TMPRSS6: variants seen among roughly 807,000 people sequenced by gnomAD.
The protein encoded by TMPRSS6 is transmembrane protease serine 6.
TMPRSS6 carries 67 observed loss-of-function variants against 101.5 expected under a neutral mutation model. The ratio of observed to expected loss-of-function variants is 0.66; its 90% confidence interval spans 0.54 to 0.81. TMPRSS6 has a LOEUF of 0.81. Ranked by LOEUF, TMPRSS6 falls within the 30% of genes least tolerant of loss-of-function variation. The probability of loss-of-function intolerance (pLI) is 0.00; values close to 1 mark genes in which losing one functional copy is unlikely to be tolerated. For synonymous variants in TMPRSS6, 453 were observed against 464.9 expected (o/e 0.97, Z 0.33); for missense variants, 1,034 against 1,088.7 (o/e 0.95, Z 0.71).
intron 5 of TMPRSS6, 123 bp downstream of exon 5, chr22:37,095,783 C>T: frequency 7.3e-7 from 1 of 1,363,994 alleles, no homozygotes; most frequent in Non-Finnish European, 1.0e-6. Context: ...ACCTGGGGGG[C>T]TCTCCTGGGG....
At chr22:37,099,429 T>C (rs1930105989) in intron 2 of TMPRSS6, among the ~76,000 whole-genome samples, 1 of 152,194 alleles carries the variant, frequency 6.6e-6, no homozygotes, top group Admixed American at 6.5e-5. Context: ...TCAGGAATGA[T>C]GTCATCAGAC....
rs1014309209 is a variant in TMPRSS6, at chr22:37,069,590, C to T, written c.1842-246G>A. Among the ~76,000 whole-genome samples, 2 of 152,194 alleles carry T rather than the reference C, an allele frequency of 1.3e-5. No homozygotes were observed. Among genetic ancestry groups the T allele is most frequent in the African/African-American group, 4.8e-5 (2 of 41,442 alleles). On this transcript the variant is annotated intron_variant, in intron 15 of 17. Transcript: ENST00000676104. The surrounding 1 kb of genome is among the most constrained non-coding windows in gnomAD (Gnocchi z 4.8). ...CTAGACATGGGTGTGCCTCTCTAAGCCTCTGCCACCTCATCTGCAAATGGG... is the reference window on the plus strand; with the variant it reads ...CTAGACATGGGTGTGCCTCTCTAAGTCTCTGCCACCTCATCTGCAAATGGG...
At chr22:37,100,365 A>G (rs534294285) in intron 2 of TMPRSS6, among the ~76,000 whole-genome samples, 1 of 152,370 alleles carries the variant, frequency 6.6e-6, no homozygotes, top group Non-Finnish European at 1.5e-5. Flanking sequence ...GGGCAGAGGC[A>G]GGGAGAGCAT....
At position 37,079,699 on chromosome 22, in the gene TMPRSS6, A is replaced by C. The variant is rs1407256138; in HGVS notation, c.1197-4419T>G. ...ACCCTCAGCAAGCTTTAGTTTTCAC[A>C]TTTGTAAAACAGGGGTGATCGTATC... On this transcript the variant is annotated intron_variant, in intron 10 of 17. Transcript: ENST00000676104. Among the ~76,000 whole-genome samples the C allele has an allele frequency of 2.6e-5, 4 of 152,230 alleles. No homozygotes were observed. In the East Asian group the frequency reaches 7.7e-4, roughly 29 times the overall value.
At chr22:37,068,516 C>A in intron 16 of TMPRSS6, 2 of 750,766 alleles carry the variant, frequency 2.7e-6, no homozygotes, top group African/African-American at 1.7e-5. Context: ...AGGGGAGAGA[C>A]CCTGTTTCTG....
intron 5 of TMPRSS6, 135 bp from the exon 6 acceptor site, chr22:37,095,727 C>A: frequency 1.6e-6 from 2 of 1,225,218 alleles, no homozygotes; most frequent in Non-Finnish European, 2.3e-6. Context: ...TGCCCCCATC[C>A]CACCCTTCTT....
At chr22:37,070,776 A>G in intron 14 of TMPRSS6, 124 bp from the exon 15 acceptor site, 1 of 1,294,482 alleles carries the variant, frequency 7.7e-7, no homozygotes, top group Non-Finnish European at 1.1e-6. Flanking sequence ...AGGGGGAGAG[A>G]CCATCAGGAC....
intron 7 of TMPRSS6, among the ~76,000 whole-genome samples, chr22:37,088,991 C>G (rs146411489): frequency 1.6e-4 from 25 of 152,336 alleles, no homozygotes; most frequent in African/African-American, 5.3e-4. Context: ...CACCAGTAAG[C>G]CTCTCTGCTC....
chr22:37,066,129 T>C lies in TMPRSS6; in HGVS notation c.2360A>G (p.Tyr787Cys). ...GCTGATCACACCTGTGATGCGGGTG[T>C]AGACGCCGAAGTAGTTAGGCCGGCC... is the stretch of plus-strand genomic sequence containing the variant. ...GCGRPNYFGV[Y>C]TRITGVISWI... Residue 787 changes from tyrosine to cysteine, a missense_variant, in exon 18 of 18, where the codon TAC becomes TGC. Physicochemically the swap from Tyr to Cys is radical, Grantham distance 194. Coordinates refer to ENST00000676104, the MANE Select transcript of TMPRSS6 (RefSeq NM_001374504.1). 6.2e-7 allele frequency: 1 copy of C among 1,613,374 alleles called. No homozygotes were observed. Among genetic ancestry groups the C allele is most frequent in the Non-Finnish European group, 8.5e-7 (1 of 1,179,994 alleles).
intron 10 of TMPRSS6, among the ~76,000 whole-genome samples, chr22:37,075,988 A>C (rs1266979595): frequency 6.6e-6 from 1 of 151,298 alleles, no homozygotes; most frequent in Non-Finnish European, 1.5e-5. Flanking sequence ...AAAGAAAGAA[A>C]GAGAAAGAAA....
chr22:37,103,655 AC>A lies in TMPRSS6; in HGVS notation c.-1-238del, dbSNP rs560893478. On this transcript the variant is annotated intron_variant, in intron 1 of 17. Coordinates refer to ENST00000676104, the MANE Select transcript of TMPRSS6 (RefSeq NM_001374504.1). This position sits in a 1 kb window ranked among gnomAD's most constrained non-coding sequence, Gnocchi z 4.4. Reference sequence around the variant, plus strand: ...GAGCTGGACTGGGTCTGGCTCAAGAACCCCACCTTTGCTTCCCACTGGCTTC... The same window carrying A: ...GAGCTGGACTGGGTCTGGCTCAAGAACCCACCTTTGCTTCCCACTGGCTTC... 5,314 of 1,493,998 alleles carry A rather than the reference AC, an allele frequency of 3.6e-3. 24 individuals are homozygous for A. Among genetic ancestry groups the A allele is most frequent in the Middle Eastern group, 0.011 (62 of 5,788 alleles). 92.5% of individuals were successfully genotyped at this position (1,493,998 alleles called of 1,614,324 possible).
chr22:37,069,613 G>A lies in TMPRSS6; in HGVS notation c.1842-269C>T, dbSNP rs555670114. Among the ~76,000 whole-genome samples the A allele has an allele frequency of 9.9e-5, 15 of 152,284 alleles. No homozygotes were observed. Among genetic ancestry groups the A allele is most frequent in the African/African-American group, 3.4e-4 (14 of 41,566 alleles). Reference sequence around the variant, plus strand: ...AGCCTCTGCCACCTCATCTGCAAATGGGAATGGCATTTTCTACTCGAATGT... The same window carrying A: ...AGCCTCTGCCACCTCATCTGCAAATAGGAATGGCATTTTCTACTCGAATGT... On this transcript the variant is annotated intron_variant, in intron 15 of 17. Coordinates refer to ENST00000676104, the MANE Select transcript of TMPRSS6 (RefSeq NM_001374504.1). This position sits in a 1 kb window ranked among gnomAD's most constrained non-coding sequence, Gnocchi z 4.8.
intron 6 of TMPRSS6, among the ~76,000 whole-genome samples, chr22:37,090,647 G>A (rs114691506): frequency 0.014 from 2,198 of 152,302 alleles, 66 homozygotes; most frequent in African/African-American, 0.05. Context: ...TGTGTCCATT[G>A]CACAGACCTG....
chr22:37,090,957 G>A (rs564961662), intron 6 of TMPRSS6, among the ~76,000 whole-genome samples: 50 of 152,292 alleles, frequency 3.3e-4, no homozygotes, highest in African/African-American at 1.1e-3. Flanking sequence ...TCTCACGGCT[G>A]CCTCACTTCA....
chr22:37,094,108 C>A (rs1302786882), intron 6 of TMPRSS6, among the ~76,000 whole-genome samples: 1 of 152,080 alleles, frequency 6.6e-6, no homozygotes, highest in Non-Finnish European at 1.5e-5. Context: ...TGCAATGAGC[C>A]AGTCTCTGTC....
chr22:37,084,534 A>C, intron 9 of TMPRSS6, 130 bp from the exon 10 acceptor site: 1 of 832,690 alleles, frequency 1.2e-6, no homozygotes. Context: ...TCACTCAACA[A>C]ACAGGCATTG....
chr22:37,085,915 G>T (rs1266199684), intron 8 of TMPRSS6, among the ~76,000 whole-genome samples: 1 of 151,884 alleles, frequency 6.6e-6, no homozygotes, highest in Non-Finnish European at 1.5e-5. Flanking sequence ...GCAGGGAGGG[G>T]GTGAGGGGCA....
At chr22:37,092,240 C>T (rs911786988) in intron 6 of TMPRSS6, among the ~76,000 whole-genome samples, 2 of 152,134 alleles carry the variant, frequency 1.3e-5, no homozygotes, top group African/African-American at 4.8e-5. Context: ...GCCTTTGCCC[C>T]TGCCATTCCC....
intron 13 of TMPRSS6, 54 bp from the exon 14 acceptor site, chr22:37,071,086 G>A: frequency 6.5e-7 from 1 of 1,542,298 alleles, no homozygotes; most frequent in Non-Finnish European, 8.9e-7. Context: ...TGAGCCCCAA[G>A]GAAACCTTCC....
Sources: allele counts gnomAD v4.1 joint callset (sites outside exome capture counted in the v4.1 genomes callset), GRCh38; gene constraint gnomAD v4.1.1; non-coding constraint Gnocchi (gnomAD v3.1); transcripts MANE v1.5; gene names NCBI Gene and HGNC (gene_info 2026-07-23, HGNC 2026-07-21).